Variants in HDAC9 observed in about 807,000 individuals in gnomAD.
The protein encoded by HDAC9 is MEF-2 interacting transcription repressor (MITR) protein.
HDAC9 carries 41 observed loss-of-function variants against 139.4 expected under a neutral mutation model. That is an observed-to-expected ratio of 0.29 (90% CI 0.23 to 0.38). The LOEUF is 0.38. HDAC9 is among the 10% of genes least tolerant of loss of function. The probability of loss-of-function intolerance (pLI) is 1.00; values close to 1 mark genes in which losing one functional copy is unlikely to be tolerated. For synonymous variants in HDAC9, 517 were observed against 476.2 expected (o/e 1.09, Z -1.12); for missense variants, 1,147 against 1,297.0 (o/e 0.88, Z 1.78).
intron 2 of HDAC9, among the ~76,000 whole-genome samples, chr7:18,274,623 A>G (rs1160683902): frequency 6.6e-6 from 1 of 152,212 alleles, no homozygotes; most frequent in Non-Finnish European, 1.5e-5. Context: ...TATAGCAGCC[A>G]TCAGTAGGAA....
chr7:18,751,448 T>C (rs1788438823), intron 14 of HDAC9, among the ~76,000 whole-genome samples: 1 of 152,170 alleles, frequency 6.6e-6, no homozygotes, highest in African/African-American at 2.4e-5. Context: ...ACCAGGTGTT[T>C]GCTTTCTTAA....
chr7:18,625,321 T>C (rs556748152), intron 6 of HDAC9, among the ~76,000 whole-genome samples: 56 of 152,322 alleles, frequency 3.7e-4, no homozygotes, highest in Non-Finnish European at 4.9e-4. Flanking sequence ...CTGACAGATA[T>C]TATTTTCTTT....
rs550916200 is a variant in HDAC9 at position 18,997,731 on chromosome 7, C to T, written c.*1669C>T. The T allele has an allele frequency of 6.6e-6, 1 of 152,060 alleles. No homozygotes were observed. The highest frequency in any genetic ancestry group is 2.1e-4 in the South Asian group (1 of 4,820). The allele number at this position is 152,060 out of a possible 1,614,324, so 9.4% of individuals were successfully genotyped here. On this transcript the variant is annotated 3_prime_UTR_variant, in exon 26 of 26. Coordinates refer to ENST00000686413, the MANE Select transcript of HDAC9 (RefSeq NM_178425.4). ...TAAATCAAAGATGAAAGATTTCACT[C>T]AAGTAGAATTATATAACTCCCTTTG...
chr7:18,659,529 GTATA>G (rs750897026), intron 11 of HDAC9, among the ~76,000 whole-genome samples: 1 of 152,126 alleles, frequency 6.6e-6, no homozygotes, highest in Non-Finnish European at 1.5e-5. Flanking sequence ...ATCTGTTTGA[GTATA>G]TGTAAGTGTG....
chr7:18,142,601 C>G (rs530140350), intron 1 of HDAC9, among the ~76,000 whole-genome samples: 33 of 152,328 alleles, frequency 2.2e-4, no homozygotes, highest in African/African-American at 7.9e-4. Context: ...CTAGTTGTTT[C>G]TCTGCTTTAA....
At chr7:18,418,764 AGTTTT>A (rs896418991) in intron 1 of HDAC9, among the ~76,000 whole-genome samples, 10 of 151,926 alleles carry the variant, frequency 6.6e-5, no homozygotes, top group Non-Finnish European at 1.5e-4. Flanking sequence ...GGATTATAAG[AGTTTT>A]GTTTTTTTTC....
chr7:18,965,931 G>A lies in HDAC9; in HGVS notation c.3023-9875G>A, dbSNP rs149883234. 4.4e-3 allele frequency among the ~76,000 whole-genome samples: 673 copies of A among 152,200 alleles called. 5 individuals are homozygous for A. The highest frequency in any genetic ancestry group is 0.015 in the African/African-American group (610 of 41,538). On this transcript the variant is annotated intron_variant, in intron 24 of 25. Coordinates refer to ENST00000686413, the MANE Select transcript of HDAC9 (RefSeq NM_178425.4). ...CCCTGACAGTGGCTGCTACAATGAC[G>A]GTTCTTTCTTGTCAGCCACAGACAG...
chr7:18,411,175 G>T (rs1463625011), intron 1 of HDAC9, among the ~76,000 whole-genome samples: 1 of 152,126 alleles, frequency 6.6e-6, no homozygotes, highest in Non-Finnish European at 1.5e-5. Context: ...AGGGAAAGCT[G>T]CAAGTCAGTC....
At chr7:18,781,325 A>T (rs894089046) in intron 16 of HDAC9, among the ~76,000 whole-genome samples, 4 of 152,014 alleles carry the variant, frequency 2.6e-5, no homozygotes, top group Non-Finnish European at 5.9e-5. Flanking sequence ...CTTTGGTTGA[A>T]ACCCCAGCTC....
intron 1 of HDAC9, among the ~76,000 whole-genome samples, chr7:18,332,563 A>G (rs1415885732): frequency 2.6e-5 from 4 of 151,616 alleles, no homozygotes; most frequent in Non-Finnish European, 4.4e-5. Context: ...GAAGGGAGCT[A>G]TGGCACAGGG....
chr7:18,569,815 C>T (rs540116360), intron 2 of HDAC9, among the ~76,000 whole-genome samples: 27 of 151,988 alleles, frequency 1.8e-4, no homozygotes, highest in Non-Finnish European at 3.2e-4. Context: ...TTAGTTGTGC[C>T]TTAATGGCCA....
chr7:18,279,220 C>T lies in HDAC9; in HGVS notation c.25+116871C>T, dbSNP rs373847288. ...CACAAGGAGATGGCAGTGTGCTTTCCGACTTTCAGATTTTTGTTGTCCCAA... is the reference window on the plus strand; with the variant it reads ...CACAAGGAGATGGCAGTGTGCTTTCTGACTTTCAGATTTTTGTTGTCCCAA... On this transcript the variant is annotated intron_variant, in intron 2 of 12. Transcript: ENST00000417496. Among the ~76,000 whole-genome samples, 24 of 152,202 alleles carry T rather than the reference C, an allele frequency of 1.6e-4. No individual in the cohort carries two copies. In the East Asian group the frequency reaches 2.1e-3, roughly 13 times the overall value.
At chr7:18,336,108 G>T (rs1218348391) in intron 1 of HDAC9, among the ~76,000 whole-genome samples, 4 of 151,580 alleles carry the variant, frequency 2.6e-5, no homozygotes, top group African/African-American at 9.7e-5. Flanking sequence ...TTACTCAAAT[G>T]CTTGCTAGAT....
At chr7:18,925,662 C>T (rs1804156688) in intron 22 of HDAC9, among the ~76,000 whole-genome samples, 1 of 150,936 alleles carries the variant, frequency 6.6e-6, no homozygotes, top group African/African-American at 2.4e-5. Context: ...TTTCCATACA[C>T]CTATGTAAGC....
At chr7:18,291,985 A>G (rs979568649) in intron 1 of HDAC9, among the ~76,000 whole-genome samples, 7 of 152,248 alleles carry the variant, frequency 4.6e-5, no homozygotes, top group African/African-American at 1.7e-4. Context: ...TTATGCATCC[A>G]TCTCTGATGT....
At chr7:18,593,443 C>G (rs1831552542) in intron 5 of HDAC9, among the ~76,000 whole-genome samples, 1 of 152,076 alleles carries the variant, frequency 6.6e-6, no homozygotes, top group African/African-American at 2.4e-5. Context: ...TTGGCACAAT[C>G]CTGTCTTTTC....
At chr7:18,670,137 GTGAT>G (rs1402938750) in intron 12 of HDAC9, among the ~76,000 whole-genome samples, 2 of 151,796 alleles carry the variant, frequency 1.3e-5, no homozygotes, top group African/African-American at 4.8e-5. Context: ...TTGTAGGTGT[GTGAT>G]TGAAGGTTTA....
chr7:18,936,158 G>C (rs773796972), intron 23 of HDAC9, among the ~76,000 whole-genome samples: 6 of 152,064 alleles, frequency 3.9e-5, no homozygotes, highest in Non-Finnish European at 4.4e-5. Flanking sequence ...CTTCAATCAG[G>C]TTAGCCATGG....
At chr7:18,568,568 T>C (rs2128733861) in intron 2 of HDAC9, among the ~76,000 whole-genome samples, 1 of 152,378 alleles carries the variant, frequency 6.6e-6, no homozygotes, top group East Asian at 1.9e-4. Flanking sequence ...CTAAAATTAG[T>C]ATATCAATCT....
Sources: gnomAD v4.1 joint callset for allele counts (sites outside exome capture counted in the v4.1 genomes callset) on GRCh38, gnomAD v4.1.1 for gene constraint, MANE v1.5 for transcripts, NCBI Gene and HGNC (gene_info 2026-07-23, HGNC 2026-07-21) for gene names.